The following PPM1E variants were observed in gnomAD, a reference collection of about 807,000 sequenced individuals.
PPM1E encodes the protein protein phosphatase 1E.
In PPM1E, 20 loss-of-function variants were observed where a neutral mutation model predicts 65.9. The observed-to-expected ratio is 0.30, with a 90% confidence interval of 0.21 to 0.44. The LOEUF (loss-of-function observed/expected upper bound fraction) is 0.44. PPM1E is among the 20% of genes least tolerant of loss of function. The pLI is 1.00. For missense variants in PPM1E, 713 were observed against 953.1 expected (o/e 0.75, Z 3.32); for synonymous variants, 352 against 374.9 (o/e 0.94, Z 0.70).
At chr17:58,907,258 A>G (rs1232716246) in intron 1 of PPM1E, among the ~76,000 whole-genome samples, 2 of 151,948 alleles carry the variant, frequency 1.3e-5, no homozygotes, top group Admixed American at 1.3e-4. Context: ...AAAAAAAAAG[A>G]AAGAAGTGAA....
At position 58,972,909 on chromosome 17, in the gene PPM1E, G is replaced by C. The variant is rs772906868; in HGVS notation, c.1194G>C (p.Ser398=). 1.9e-6 allele frequency: 3 copies of C among 1,612,528 alleles called. No individual in the cohort carries two copies. In the African/African-American group the frequency reaches 4.0e-5, roughly 22 times the overall value. ...FGAWRVNGSL[S]VSRAIGDAEH... The stretch of plus-strand genomic sequence containing the variant: ...CCTGGAGGGTGAATGGAAGTCTGTC[G>C]GTTTCCAGAGCTATTGGTAGGAAAA... Residue 398 remains serine, a synonymous_variant, in exon 6 of 7, where the codon TCG becomes TCC. Coordinates refer to ENST00000308249, the MANE Select transcript of PPM1E (RefSeq NM_014906.5).
At chr17:58,854,260 G>A (rs1023614381) in intron 1 of PPM1E, among the ~76,000 whole-genome samples, 3 of 152,032 alleles carry the variant, frequency 2.0e-5, no homozygotes, top group African/African-American at 7.2e-5. Flanking sequence ...TTTGTATCCT[G>A]CCATTTTGAT....
Position 58,982,750 on chromosome 17 carries a change from C to A in PPM1E, c.*1719C>A, listed in dbSNP as rs778545325. The A allele has an allele frequency of 3.6e-6, 2 of 561,536 alleles. No homozygotes were observed. Among genetic ancestry groups the A allele is most frequent in the South Asian group, 5.9e-5 (2 of 33,694 alleles). The allele number at this position is 561,536 out of a possible 1,614,324, so 34.8% of individuals were successfully genotyped here. Reference sequence around the variant, plus strand: ...ATTTTGAAGTCATTTCTTCTTCTCACGTCTGTGACAAATGGTTGAAAAGGA... The same window carrying A: ...ATTTTGAAGTCATTTCTTCTTCTCAAGTCTGTGACAAATGGTTGAAAAGGA... On this transcript the variant is annotated 3_prime_UTR_variant, in exon 7 of 7. Coordinates refer to ENST00000308249, the MANE Select transcript of PPM1E (RefSeq NM_014906.5).
At chr17:58,880,301 A>G (rs1358933843) in intron 1 of PPM1E, among the ~76,000 whole-genome samples, 2 of 152,204 alleles carry the variant, frequency 1.3e-5, no homozygotes, top group African/African-American at 4.8e-5. Flanking sequence ...GCTGCTTTTC[A>G]AGTGCCTTTA....
At position 58,972,167 on chromosome 17, in the gene PPM1E, C is replaced by T. The variant is rs1168517261; in HGVS notation, c.1008C>T (p.Phe336=). ...LRCGTTGVVT[F]IRGNMLHVAW... ...GTGGGACCACAGGAGTGGTGACTTTCATCAGAGGCAACATGCTACATGTGG... is the reference window on the plus strand; with the variant it reads ...GTGGGACCACAGGAGTGGTGACTTTTATCAGAGGCAACATGCTACATGTGG... The change falls in exon 5 of 7, where the codon TTC becomes TTT. Residue 336 remains phenylalanine, a synonymous_variant. Coordinates refer to ENST00000308249, the MANE Select transcript of PPM1E (RefSeq NM_014906.5). The T allele has an allele frequency of 6.2e-7, 1 of 1,613,914 alleles. No individual in the cohort carries two copies. Among genetic ancestry groups the T allele is most frequent in the East Asian group, 2.2e-5 (1 of 44,898 alleles).
rs553416070 is a variant in PPM1E, at chr17:58,761,450, GTT to G, written c.464+4992_464+4993del. 5.3e-5 allele frequency among the ~76,000 whole-genome samples: 8 copies of G among 152,234 alleles called. No individual in the cohort carries two copies. The South Asian group carries it at 1.7e-3, about 32-fold the overall frequency. ...AAGGGCTTATAATCTTACTTCATTA[GTT>G]TTATTTCTGGAATCACTATCCACCC... On this transcript the variant is annotated intron_variant, in intron 1 of 6. Transcript: ENST00000308249.
intron 1 of PPM1E, among the ~76,000 whole-genome samples, chr17:58,920,537 A>C (rs1567875207): frequency 6.6e-6 from 1 of 152,214 alleles, no homozygotes; most frequent in Admixed American, 6.5e-5. Context: ...TATGATCTTC[A>C]CTACCCTCCT....
At position 58,809,048 on chromosome 17, in the gene PPM1E, A is replaced by C. The variant is rs2050341009; in HGVS notation, c.464+52587A>C. Among the ~76,000 whole-genome samples the C allele has an allele frequency of 3.3e-5, 5 of 152,156 alleles. No homozygotes were observed. The South Asian group carries it at 1.0e-3, about 32-fold the overall frequency. On this transcript the variant is annotated intron_variant, in intron 1 of 6. Transcript: ENST00000308249. ...CTCCAAGGTATGATGATTTCTTCTT[A>C]AATTGAAGTATAATTTTAGTTTCAT...
chr17:58,758,527 C>CAA (rs568329714), intron 1 of PPM1E, among the ~76,000 whole-genome samples: 6 of 70,782 alleles, frequency 8.5e-5, no homozygotes, highest in African/African-American at 2.6e-4. Flanking sequence ...GACTCCGTCT[C>CAA]AAAAAAAAAA....
intron 1 of PPM1E, among the ~76,000 whole-genome samples, chr17:58,895,386 G>A (rs1598635526): frequency 6.6e-6 from 1 of 152,168 alleles, no homozygotes; most frequent in African/African-American, 2.4e-5. Context: ...ATTAAGTTTA[G>A]TGAGGAAAAC....
chr17:58,796,327 G>A (rs745337555), intron 1 of PPM1E, among the ~76,000 whole-genome samples: 4 of 152,158 alleles, frequency 2.6e-5, no homozygotes, highest in Non-Finnish European at 4.4e-5. Flanking sequence ...TTATAGGTGA[G>A]AGCCATCCTG....
intron 1 of PPM1E, among the ~76,000 whole-genome samples, chr17:58,932,711 A>G (rs2143574095): frequency 6.6e-6 from 1 of 152,292 alleles, no homozygotes; most frequent in East Asian, 1.9e-4. Flanking sequence ...TTATTATTGA[A>G]TGGCATGCCA....
intron 1 of PPM1E, among the ~76,000 whole-genome samples, chr17:58,851,729 G>C (rs2050828169): frequency 6.6e-6 from 1 of 152,226 alleles, no homozygotes; most frequent in Non-Finnish European, 1.5e-5. Context: ...TCCTGGGTCA[G>C]GGACCCACTT....
chr17:58,901,996 A>T (rs1402075024), intron 1 of PPM1E, among the ~76,000 whole-genome samples: 1 of 151,948 alleles, frequency 6.6e-6, no homozygotes, highest in Non-Finnish European at 1.5e-5. Context: ...AAATAAATAA[A>T]ATATTAAAAA....
intron 2 of PPM1E, among the ~76,000 whole-genome samples, chr17:58,964,507 T>G (rs1042871126): frequency 6.6e-6 from 1 of 152,066 alleles, no homozygotes; most frequent in Non-Finnish European, 1.5e-5. Flanking sequence ...GCGGTAGACA[T>G]AGGTGAAGCG....
chr17:58,766,209 T>G (rs1423624093), intron 1 of PPM1E, among the ~76,000 whole-genome samples: 18 of 135,560 alleles, frequency 1.3e-4, no homozygotes, highest in East Asian at 6.3e-4. Flanking sequence ...TTTTTTTTTT[T>G]TTTTTTTTTT....
At chr17:58,925,661 C>T (rs996630136) in intron 1 of PPM1E, among the ~76,000 whole-genome samples, 10 of 151,806 alleles carry the variant, frequency 6.6e-5, no homozygotes, top group Admixed American at 5.3e-4. Flanking sequence ...AGGATGGTCT[C>T]GATCTCCTGA....
intron 1 of PPM1E, among the ~76,000 whole-genome samples, chr17:58,904,912 A>G (rs1005217398): frequency 2.0e-5 from 3 of 151,730 alleles, no homozygotes; most frequent in Non-Finnish European, 4.4e-5. Context: ...AATCCCAGCT[A>G]CTTGGGGAGG....
intron 1 of PPM1E, among the ~76,000 whole-genome samples, chr17:58,895,673 T>C (rs2051404083): frequency 6.6e-6 from 1 of 152,012 alleles, no homozygotes; most frequent in Non-Finnish European, 1.5e-5. Flanking sequence ...TAGATGAGCA[T>C]GGTAACACAT....
Sources: gnomAD v4.1 joint callset for allele counts (sites outside exome capture counted in the v4.1 genomes callset) on GRCh38, gnomAD v4.1.1 for gene constraint, MANE v1.5 for transcripts, NCBI Gene and HGNC (gene_info 2026-07-23, HGNC 2026-07-21) for gene names.